Variants in SORCS1 observed in about 807,000 individuals in gnomAD.
The protein encoded by SORCS1 is VPS10 domain-containing receptor SorCS1.
SORCS1 carries 60 observed loss-of-function variants against 146.1 expected under a neutral mutation model. That is an observed-to-expected ratio of 0.41 (90% CI 0.33 to 0.51). The LOEUF is 0.51. SORCS1 is among the 20% of genes least tolerant of loss of function. SORCS1 has a pLI of 0.21. For missense variants in SORCS1, 1,352 were observed against 1,487.6 expected, an observed-to-expected ratio of 0.91 and a Z score of 1.50; for synonymous variants, 637 against 584.0, an observed-to-expected ratio of 1.09 and a Z score of -1.31.
At chr10:106,652,014 T>C (rs1368467894) in intron 18 of SORCS1, among the ~76,000 whole-genome samples, 1 of 152,204 alleles carries the variant, frequency 6.6e-6, no homozygotes, top group Non-Finnish European at 1.5e-5. Flanking sequence ...ATGAAAGTAT[T>C]AGCATCTCTT....
chr10:106,613,124 C>T (rs1847119466), intron 21 of SORCS1, among the ~76,000 whole-genome samples: 1 of 152,016 alleles, frequency 6.6e-6, no homozygotes, highest in Admixed American at 6.6e-5. Context: ...TGTAATCATT[C>T]TATTGCTATC....
intron 5 of SORCS1, among the ~76,000 whole-genome samples, chr10:106,759,047 G>T (rs1385142501): frequency 6.6e-6 from 1 of 152,224 alleles, no homozygotes; most frequent in Non-Finnish European, 1.5e-5. Flanking sequence ...CTTTTTAAGA[G>T]ATTTCTCTAA....
intron 2 of SORCS1, among the ~76,000 whole-genome samples, chr10:106,937,279 C>T (rs920469821): frequency 2.6e-5 from 4 of 151,672 alleles, no homozygotes; most frequent in Admixed American, 2.0e-4. Context: ...AAGCAATTCT[C>T]CTGCCTCAGC....
In SORCS1 at chr10:107,081,892, G is replaced by A. The variant is rs368084929; in HGVS notation, c.558+82077C>T. On this transcript the variant is annotated intron_variant, in intron 1 of 25. Transcript: ENST00000263054. ...GTGAGCTACATGAACTAGCGGGAAA[G>A]TGCTAGAAAAATTCTCTCTTTGTCT... Among the ~76,000 whole-genome samples the A allele has an allele frequency of 3.9e-5, 6 of 152,294 alleles. No individual in the cohort carries two copies. The East Asian group carries it at 1.2e-3, about 29-fold the overall frequency.
In SORCS1 at chr10:106,815,312, G is replaced by C. The variant is rs555812172; in HGVS notation, c.726+14262C>G. ...GAAAAAAGGAAGGAATAAAGGGAGGGAGAGAGGGAAGAAAATAAAATAGCA... is the reference window on the plus strand; with the variant it reads ...GAAAAAAGGAAGGAATAAAGGGAGGCAGAGAGGGAAGAAAATAAAATAGCA... On this transcript the variant is annotated intron_variant, in intron 3 of 25. Transcript: ENST00000263054. 9.2e-5 allele frequency among the ~76,000 whole-genome samples: 14 copies of C among 152,218 alleles called. No individual in the cohort carries two copies. In the South Asian group the frequency reaches 2.9e-3, roughly 32 times the overall value.
intron 18 of SORCS1, among the ~76,000 whole-genome samples, chr10:106,644,448 C>A (rs1170429883): frequency 6.6e-6 from 1 of 152,014 alleles, no homozygotes; most frequent in East Asian, 1.9e-4. Context: ...CTCACTGCAA[C>A]CTCCGCCTCC....
rs563925165 is a variant in SORCS1, at chr10:106,737,198, A to T, written c.960-7084T>A. 1.8e-4 allele frequency among the ~76,000 whole-genome samples: 27 copies of T among 152,308 alleles called. No individual in the cohort carries two copies. In the South Asian group the frequency reaches 5.6e-3, roughly 32 times the overall value. ...AGCAAAGGGCTTGGTAAATAGGACT[A>T]AAAGTTTAAACAACAATGTTTAGAA... On this transcript the variant is annotated intron_variant, in intron 5 of 25. Coordinates refer to ENST00000263054, the MANE Select transcript of SORCS1 (RefSeq NM_052918.5).
At chr10:107,039,093 G>A (rs1159297156) in intron 1 of SORCS1, among the ~76,000 whole-genome samples, 1 of 152,116 alleles carries the variant, frequency 6.6e-6, no homozygotes, top group Non-Finnish European at 1.5e-5. Flanking sequence ...ACTTTGGGAG[G>A]CTGAGGCGGG....
chr10:107,150,647 A>G (rs148022334), intron 1 of SORCS1, among the ~76,000 whole-genome samples: 2,315 of 152,306 alleles, frequency 0.015, 20 homozygotes, highest in Admixed American at 0.032. Flanking sequence ...CTCATCTTCA[A>G]TTGTAGTTCA....
In SORCS1 at chr10:106,786,748, G is replaced by A. The variant is rs191204135; in HGVS notation, c.727-10056C>T. 2.4e-3 allele frequency among the ~76,000 whole-genome samples: 359 copies of A among 152,156 alleles called. 4 individuals carry two copies. Among genetic ancestry groups the A allele is most frequent in the African/African-American group, 8.2e-3 (342 of 41,508 alleles). ...ACCACAACTATCTTCTGTAAAACTTGTCACATAATTTTTAAAAATAGATAT... is the reference window on the plus strand; with the variant it reads ...ACCACAACTATCTTCTGTAAAACTTATCACATAATTTTTAAAAATAGATAT... On this transcript the variant is annotated intron_variant, in intron 3 of 25. Transcript: ENST00000263054.
At chr10:106,916,159 G>C (rs1309055236) in intron 2 of SORCS1, among the ~76,000 whole-genome samples, 1 of 152,156 alleles carries the variant, frequency 6.6e-6, no homozygotes, top group Non-Finnish European at 1.5e-5. Flanking sequence ...ACTTAACTCT[G>C]TGAATACATT....
At position 106,959,475 on chromosome 10, in the gene SORCS1, T is replaced by C. The variant is rs369970514; in HGVS notation, c.559-2895A>G. Among the ~76,000 whole-genome samples the C allele has an allele frequency of 3.3e-5, 5 of 152,366 alleles. No homozygotes were observed. In the East Asian group the frequency reaches 9.6e-4, roughly 29 times the overall value. Reference sequence around the variant, plus strand: ...AACAACGATGCATCCTTATGTTAGATATGTTTTGCTGTTTGTTTGCTTTTC... The same window carrying C: ...AACAACGATGCATCCTTATGTTAGACATGTTTTGCTGTTTGTTTGCTTTTC... On this transcript the variant is annotated intron_variant, in intron 1 of 25. Coordinates refer to ENST00000263054, the MANE Select transcript of SORCS1 (RefSeq NM_052918.5).
Position 106,956,422 on chromosome 10 carries a change from A to T in SORCS1, c.626+91T>A, listed in dbSNP as rs564614369. ...AAGCAAGCAGTGCATATCACCAGGA[A>T]CCTTCCTGCCAGGAAAAAGTGGGTG... On this transcript the variant is annotated intron_variant, in intron 2 of 25. Coordinates refer to ENST00000263054, the MANE Select transcript of SORCS1 (RefSeq NM_052918.5). 1.3e-5 allele frequency: 15 copies of T among 1,156,032 alleles called. No homozygotes were observed. The East Asian group carries it at 1.6e-4, about 13-fold the overall frequency. The allele number at this position is 1,156,032 out of a possible 1,614,324, so 71.6% of individuals were successfully genotyped here. A position where few individuals can be genotyped will look rare whatever the true frequency, so the allele number is the denominator to read the frequency against.
chr10:106,578,663 C>G (rs571357936), intron 25 of SORCS1: 224 of 1,004,680 alleles, frequency 2.2e-4, no homozygotes, highest in Non-Finnish European at 2.6e-4. Flanking sequence ...TCCTTAAGAG[C>G]TGTATCCAGT....
chr10:106,674,944 A>G, intron 14 of SORCS1, 105 bp downstream of exon 14: 2 of 836,304 alleles, frequency 2.4e-6, no homozygotes, highest in Non-Finnish European at 3.8e-6. Flanking sequence ...AAGATGCAAC[A>G]ACCTTGAACC....
intron 1 of SORCS1, among the ~76,000 whole-genome samples, chr10:107,026,861 A>C (rs2133904402): frequency 6.6e-6 from 1 of 151,864 alleles, no homozygotes; most frequent in South Asian, 2.1e-4. Flanking sequence ...ATTGTCAACA[A>C]ACCTGAAACC....
In SORCS1 at chr10:106,805,601, C is replaced by T. The variant is rs1352927569; in HGVS notation, c.726+23973G>A. Among the ~76,000 whole-genome samples, 3 of 152,110 alleles carry T rather than the reference C, an allele frequency of 2.0e-5. No individual in the cohort carries two copies. In the East Asian group the frequency reaches 5.8e-4, roughly 29 times the overall value. On this transcript the variant is annotated intron_variant, in intron 3 of 25. Transcript: ENST00000263054. ...TGCCAGGAAGATGAGACAAGTTGCC[C>T]AAGGCCACCCTGCCTGTTGACTCAC...
In SORCS1 at chr10:106,829,684, A is replaced by G. The variant is rs369039573; in HGVS notation, c.627-11T>C. On this transcript the variant is annotated splice_polypyrimidine_tract_variant and intron_variant, in intron 2 of 25. Transcript: ENST00000263054. Reference sequence around the variant, plus strand: ...CCATAATCGGTTGACCTATAATCCAAAAAGAGCATTAATGAGGACAGAAGT... The same window carrying G: ...CCATAATCGGTTGACCTATAATCCAGAAAGAGCATTAATGAGGACAGAAGT... The G allele has an allele frequency of 1.1e-5, 18 of 1,594,702 alleles. No homozygotes were observed. The highest frequency in any genetic ancestry group is 1.5e-5 in the Non-Finnish European group (18 of 1,163,962).
chr10:106,887,952 G>C (rs1200208065), intron 2 of SORCS1, among the ~76,000 whole-genome samples: 4 of 152,162 alleles, frequency 2.6e-5, no homozygotes, highest in African/African-American at 9.7e-5. Flanking sequence ...CACCTGAACA[G>C]GTTACTCTTC....
Sources: allele counts gnomAD v4.1 joint callset (sites outside exome capture counted in the v4.1 genomes callset), GRCh38; gene constraint gnomAD v4.1.1; transcripts MANE v1.5; gene names NCBI Gene and HGNC (gene_info 2026-07-23, HGNC 2026-07-21).